SCARB1: variants seen among roughly 807,000 people sequenced by gnomAD.
SCARB1 encodes the protein CD36 and LIMPII analogous 1.
Under a neutral mutation model 57.2 loss-of-function variants are expected in SCARB1, and 30 were observed. That is an observed-to-expected ratio of 0.52 (90% CI 0.39 to 0.71). SCARB1 has a LOEUF of 0.71. Ranked by LOEUF, SCARB1 falls within the 30% of genes least tolerant of loss-of-function variation. The pLI, the probability that SCARB1 is intolerant of heterozygous loss-of-function variation, is 0.00. For synonymous variants in SCARB1, 249 were observed against 268.3 expected (o/e 0.93, Z 0.70); for missense variants, 543 against 671.2 (o/e 0.81, Z 2.11).
At chr12:124,786,171 T>A (rs929040866) in intron 11 of SCARB1, 186 bp downstream of exon 11, 2 of 1,570,040 alleles carry the variant, frequency 1.3e-6, no homozygotes, top group African/African-American at 2.7e-5. Flanking sequence ...CAACGCGGCA[T>A]GCAAAAGACG....
chr12:124,804,583 C>T (rs150406594), intron 7 of SCARB1, among the ~76,000 whole-genome samples: 5 of 152,286 alleles, frequency 3.3e-5, no homozygotes, highest in African/African-American at 9.6e-5. Context: ...AAATCCCCGC[C>T]GATACCAGCA....
intron 1 of SCARB1, among the ~76,000 whole-genome samples, chr12:124,832,224 T>G (rs7967521): frequency 2.0e-5 from 3 of 152,038 alleles, no homozygotes; most frequent in Non-Finnish European, 1.5e-5. Context: ...TTCTGAAAGT[T>G]GAACTGTTCT....
intron 5 of SCARB1, 23 bp downstream of exon 5, chr12:124,811,847 G>A: frequency 1.3e-6 from 2 of 1,570,994 alleles, no homozygotes; most frequent in Middle Eastern, 1.7e-4. Context: ...TGGCGACAGG[G>A]GCCCTCGCCT....
At chr12:124,780,178 C>T (rs1038855108) in intron 12 of SCARB1, among the ~76,000 whole-genome samples, 16 of 152,090 alleles carry the variant, frequency 1.1e-4, no homozygotes, top group African/African-American at 3.9e-4. Context: ...GAAGAAAGAT[C>T]GGTGAGAAGC....
At position 124,837,676 on chromosome 12, in the gene SCARB1, C is replaced by T. The variant is rs546248317; in HGVS notation, c.127-19969G>A. ...CCAAGGTGGGAGGGTCACTTGAGGC[C>T]AGGAGTTCAAGACGAGCCTGGGCAA... is the stretch of plus-strand genomic sequence containing the variant. On this transcript the variant is annotated intron_variant, in intron 1 of 12. Coordinates refer to ENST00000261693, the MANE Select transcript of SCARB1 (RefSeq NM_005505.5). 9.2e-5 allele frequency among the ~76,000 whole-genome samples: 14 copies of T among 152,112 alleles called. 1 individual carries two copies. In the South Asian group the frequency reaches 2.7e-3, roughly 29 times the overall value.
chr12:124,806,227 A>T (rs1438106719), intron 7 of SCARB1, among the ~76,000 whole-genome samples: 1 of 151,976 alleles, frequency 6.6e-6, no homozygotes. Context: ...GGAGCAAGAG[A>T]GAGGAAGGAG....
rs1482235115 is a variant in SCARB1 at position 124,812,056 on chromosome 12, C to T, written c.631-91G>A. 8 of 963,788 alleles carry T rather than the reference C, an allele frequency of 8.3e-6. No homozygotes were observed. In the African/African-American group the frequency reaches 1.1e-4, roughly 14 times the overall value. The allele number at this position is 963,788 out of a possible 1,614,324, so 59.7% of individuals were successfully genotyped here. ...CATTCTGGGCTGAGCCCTCCTCCCC[C>T]TCCACCAGAAGGACAGGGCCCCCAG... is the stretch of plus-strand genomic sequence containing the variant. On this transcript the variant is annotated intron_variant, in intron 4 of 12. Transcript: ENST00000261693. The surrounding 1 kb of genome is among the most constrained non-coding windows in gnomAD (Gnocchi z 4.3).
At chr12:124,819,335 C>G (rs1421993083) in intron 1 of SCARB1, among the ~76,000 whole-genome samples, 1 of 152,070 alleles carries the variant, frequency 6.6e-6, no homozygotes, top group Non-Finnish European at 1.5e-5. Flanking sequence ...GCTGAGTGAG[C>G]CAGTCGGAAG....
intron 7 of SCARB1, among the ~76,000 whole-genome samples, chr12:124,805,397 G>A (rs1950285071): frequency 6.6e-6 from 1 of 152,222 alleles, no homozygotes; most frequent in Admixed American, 6.5e-5. Context: ...GGAGAATAAT[G>A]AACAGGGGAC....
intron 1 of SCARB1, chr12:124,821,236 TCACACACA>T (rs60380028): frequency 9.9e-5 from 19 of 192,708 alleles, no homozygotes; most frequent in Non-Finnish European, 1.7e-4. Context: ...AGACTCCATC[TCACACACA>T]CACACACACA....
rs750514730 is a variant in SCARB1, at chr12:124,849,454, G to A, written c.126+14141C>T. On this transcript the variant is annotated intron_variant, in intron 1 of 12. Coordinates refer to ENST00000261693, the MANE Select transcript of SCARB1 (RefSeq NM_005505.5). ...AAAAATGCCTCATCCCAGTCCTGCC[G>A]CCAGGATGTGAACAGGCAGGGGTAT... is the stretch of plus-strand genomic sequence containing the variant. Among the ~76,000 whole-genome samples the A allele has an allele frequency of 5.9e-5, 9 of 152,224 alleles. No individual in the cohort carries two copies. In the South Asian group the frequency reaches 8.3e-4, roughly 14 times the overall value.
At chr12:124,802,464 G>A (rs1355927523) in intron 7 of SCARB1, among the ~76,000 whole-genome samples, 1 of 151,984 alleles carries the variant, frequency 6.6e-6, no homozygotes, top group South Asian at 2.1e-4. Context: ...TCTGGAAAAC[G>A]CTGCCTCTCG....
chr12:124,791,531 T>G (rs1043164542), intron 9 of SCARB1, among the ~76,000 whole-genome samples: 1 of 152,206 alleles, frequency 6.6e-6, no homozygotes. Context: ...TTATTGTTGT[T>G]GTTATAATTG....
At position 124,814,060 on chromosome 12, in the gene SCARB1, G is replaced by A. The variant is rs1566184590; in HGVS notation, c.630+142C>T. On this transcript the variant is annotated intron_variant, in intron 4 of 12. Coordinates refer to ENST00000261693, the MANE Select transcript of SCARB1 (RefSeq NM_005505.5). This position sits in a 1 kb window ranked among gnomAD's most constrained non-coding sequence, Gnocchi z 4.7. ...CCCCATTTCACTCAAGCCGGTTTGA[G>A]TCAGGTTCTCAGTCACTTACAACCC... 1 of 808,168 alleles carries A rather than the reference G, an allele frequency of 1.2e-6. No individual in the cohort carries two copies. The allele number at this position is 808,168 out of a possible 1,614,324, so 50.1% of individuals were successfully genotyped here. A position where few individuals can be genotyped will look rare whatever the true frequency, so the allele number is the denominator to read the frequency against.
At chr12:124,824,527 T>C (rs915476806) in intron 1 of SCARB1, among the ~76,000 whole-genome samples, 14 of 152,264 alleles carry the variant, frequency 9.2e-5, no homozygotes, top group Admixed American at 7.2e-4. Context: ...GAATTTTACG[T>C]TAACTGGATC....
intron 1 of SCARB1, among the ~76,000 whole-genome samples, chr12:124,835,450 A>G (rs369337986): frequency 6.6e-6 from 1 of 151,216 alleles, no homozygotes. Flanking sequence ...TGTAGATTTT[A>G]TTTTTTGTAG....
Position 124,778,541 on chromosome 12 carries a change from C to A in SCARB1, c.*46G>T. ...GGGGTGTAGGGGCTGGGGGGCCGGT[C>A]AGGCCCAGCGGCCAGGCCTGGCTGG... On this transcript the variant is annotated 3_prime_UTR_variant, in exon 13 of 13. Transcript: ENST00000261693. 7.3e-7 allele frequency: 1 copy of A among 1,378,912 alleles called. No individual in the cohort carries two copies. The highest frequency in any genetic ancestry group is 3.1e-5 in the East Asian group (1 of 32,484). 85.4% of individuals were successfully genotyped at this position (1,378,912 alleles called of 1,614,324 possible).
chr12:124,817,098 GTA>G lies in SCARB1; in HGVS notation c.284+450_284+451del, dbSNP rs1950757675. 6.7e-6 allele frequency among the ~76,000 whole-genome samples: 1 copy of G among 148,434 alleles called. No individual in the cohort carries two copies. The highest frequency in any genetic ancestry group is 1.5e-5 in the Non-Finnish European group (1 of 67,226). On this transcript the variant is annotated intron_variant, in intron 2 of 12. Transcript: ENST00000261693. The surrounding 1 kb of genome is among the most constrained non-coding windows in gnomAD (Gnocchi z 4.8). ...CATGTGTGTGTATGTATGTGTGTGTGTATGTGTATGTACGTGTGTATGTATGT... is the reference window on the plus strand; with the variant it reads ...CATGTGTGTGTATGTATGTGTGTGTGTGTGTATGTACGTGTGTATGTATGT...
intron 8 of SCARB1, among the ~76,000 whole-genome samples, chr12:124,798,680 T>TA (rs1594225687): frequency 6.6e-6 from 1 of 151,712 alleles, no homozygotes; most frequent in East Asian, 2.0e-4. Flanking sequence ...CTGTGTCTAC[T>TA]AAAAATACAA....
Sources: gnomAD v4.1 joint callset for allele counts (sites outside exome capture counted in the v4.1 genomes callset) on GRCh38, gnomAD v4.1.1 for gene constraint, Gnocchi (gnomAD v3.1) non-coding constraint, MANE v1.5 for transcripts, NCBI Gene and HGNC (gene_info 2026-07-23, HGNC 2026-07-21) for gene names.